The following FOXP2 variants were observed in gnomAD, a reference collection of about 807,000 sequenced individuals.
The protein encoded by FOXP2 is forkhead box protein P2.
Under a neutral mutation model 115.8 loss-of-function variants are expected in FOXP2, and 12 were observed. The ratio of observed to expected loss-of-function variants is 0.10; its 90% CI spans 0.07 to 0.17. The LOEUF is 0.17. Among genes scored for constraint, FOXP2 ranks in the 10% least tolerant of loss-of-function variants. The probability of loss-of-function intolerance (pLI) is 1.00; values close to 1 mark genes in which losing one functional copy is unlikely to be tolerated. For synonymous variants in FOXP2, 328 were observed against 297.7 expected, an observed-to-expected ratio of 1.10 and a Z score of -1.05; for missense variants, 629 against 843.5, an observed-to-expected ratio of 0.75 and a Z score of 3.15.
chr7:114,427,222 T>C (rs1390812540), intron 2 of FOXP2, among the ~76,000 whole-genome samples: 1 of 151,694 alleles, frequency 6.6e-6, no homozygotes, highest in Non-Finnish European at 1.5e-5. Flanking sequence ...CATTCCAAGA[T>C]ATTTTGAATA....
At chr7:114,272,323 G>C (rs1367951073) in intron 1 of FOXP2, among the ~76,000 whole-genome samples, 1 of 151,380 alleles carries the variant, frequency 6.6e-6, no homozygotes, top group Non-Finnish European at 1.5e-5. Flanking sequence ...GTGTTCCTGA[G>C]AGAGATTAGT....
chr7:114,141,671 C>A (rs984555462), intron 1 of FOXP2, among the ~76,000 whole-genome samples: 1 of 152,150 alleles, frequency 6.6e-6, no homozygotes, highest in East Asian at 1.9e-4. Context: ...TCTCCAAATA[C>A]CATCACTTCC....
chr7:114,226,150 A>G (rs1366079555), intron 1 of FOXP2, among the ~76,000 whole-genome samples: 1 of 152,246 alleles, frequency 6.6e-6, no homozygotes, highest in East Asian at 1.9e-4. Context: ...CATTTGTGAC[A>G]CTGAAGCACA....
chr7:114,334,331 G>A (rs956910982), intron 2 of FOXP2, among the ~76,000 whole-genome samples: 24 of 151,400 alleles, frequency 1.6e-4, no homozygotes, highest in African/African-American at 5.8e-4. Flanking sequence ...TATTTGTTTG[G>A]AATAAGTCTA....
chr7:114,405,589 G>A (rs889769979), intron 2 of FOXP2, among the ~76,000 whole-genome samples: 5 of 151,894 alleles, frequency 3.3e-5, no homozygotes, highest in Admixed American at 6.6e-5. Context: ...AGAGGGAATT[G>A]TGTAACGTTA....
At chr7:114,555,321 C>T (rs984607271) in intron 3 of FOXP2, among the ~76,000 whole-genome samples, 3 of 152,098 alleles carry the variant, frequency 2.0e-5, no homozygotes, top group African/African-American at 7.2e-5. Flanking sequence ...AACCATGTGC[C>T]TTTTACTCCT....
intron 1 of FOXP2, among the ~76,000 whole-genome samples, chr7:114,148,449 T>A (rs1256823973): frequency 1.3e-5 from 2 of 152,128 alleles, no homozygotes; most frequent in Non-Finnish European, 2.9e-5. Flanking sequence ...ACTTATCCTC[T>A]CCACCTGAAA....
At chr7:114,426,406 A>G in intron 1 of FOXP2, 96 bp from the exon 2 acceptor site, 1 of 1,170,954 alleles carries the variant, frequency 8.5e-7, no homozygotes, top group Admixed American at 1.8e-5. Context: ...CCCTCTTCTA[A>G]AGATGCTGTC....
At position 114,331,870 on chromosome 7, in the gene FOXP2, C is replaced by T. The variant is rs1380817197; in HGVS notation, c.-11+43761C>T. 2.6e-5 allele frequency among the ~76,000 whole-genome samples: 4 copies of T among 152,020 alleles called. No individual in the cohort carries two copies. The East Asian group carries it at 7.7e-4, about 29-fold the overall frequency. ...CCATGTTTGCCAGGATGGTTTCAAA[C>T]TCCTGATCTCAAGTGATCCACCCAC... On this transcript the variant is annotated intron_variant, in intron 2 of 17. Transcript: ENST00000634411.
At chr7:114,466,796 A>G (rs10486024) in intron 2 of FOXP2, among the ~76,000 whole-genome samples, 9,498 of 152,268 alleles carry the variant, frequency 0.062, 931 homozygotes, top group African/African-American at 0.21. Context: ...TTTTATATGA[A>G]TGACACAAAG....
chr7:114,203,319 GTTTACATCTCC>G (rs1469028635), intron 1 of FOXP2, among the ~76,000 whole-genome samples: 1 of 151,958 alleles, frequency 6.6e-6, no homozygotes, highest in Non-Finnish European at 1.5e-5. Context: ...TTACAGATCA[GTTTACATCTCC>G]ATCTTTTTTT....
intron 5 of FOXP2, chr7:114,630,899 C>T (rs1804866487): frequency 6.5e-6 from 1 of 152,736 alleles, no homozygotes; most frequent in South Asian, 2.1e-4. Context: ...AGTGTGACTG[C>T]CATCTCATAC....
At chr7:114,383,708 T>C (rs1164994849) in intron 2 of FOXP2, among the ~76,000 whole-genome samples, 1 of 152,132 alleles carries the variant, frequency 6.6e-6, no homozygotes, top group Non-Finnish European at 1.5e-5. Flanking sequence ...GTCGTTTCTT[T>C]CTTAGCGTCT....
intron 3 of FOXP2, among the ~76,000 whole-genome samples, chr7:114,568,052 G>C (rs1172107267): frequency 6.6e-6 from 1 of 151,904 alleles, no homozygotes; most frequent in Non-Finnish European, 1.5e-5. Flanking sequence ...AGATTAATTT[G>C]ACTTTCTCTT....
At chr7:114,269,184 G>A (rs1399829773) in intron 1 of FOXP2, among the ~76,000 whole-genome samples, 1 of 152,096 alleles carries the variant, frequency 6.6e-6, no homozygotes, top group Non-Finnish European at 1.5e-5. Flanking sequence ...TCCTCATGAA[G>A]GTATATAGCA....
At chr7:114,278,644 G>A (rs1056347418) in intron 1 of FOXP2, among the ~76,000 whole-genome samples, 11 of 152,116 alleles carry the variant, frequency 7.2e-5, no homozygotes, top group African/African-American at 1.7e-4. Flanking sequence ...GTGAGCCACC[G>A]CACTGACCTA....
In FOXP2 at chr7:114,481,543, A is replaced by T. The variant is rs75405559; in HGVS notation, c.169-53074A>T. Among the ~76,000 whole-genome samples the T allele has an allele frequency of 1.5e-3, 230 of 151,448 alleles. 2 individuals are homozygous for T. Among genetic ancestry groups the T allele is most frequent in the African/African-American group, 5.1e-3 (211 of 41,478 alleles). ...GACAAGTAAAGACTCTCCACTCAGA[A>T]CAACCAATGTGTTCCTAAATAGTTC... is the stretch of plus-strand genomic sequence containing the variant. On this transcript the variant is annotated intron_variant, in intron 2 of 16. Coordinates refer to ENST00000350908, the MANE Select transcript of FOXP2 (RefSeq NM_014491.4).
intron 3 of FOXP2, among the ~76,000 whole-genome samples, chr7:114,622,212 A>G (rs932544562): frequency 1.6e-4 from 25 of 151,868 alleles, no homozygotes; most frequent in Non-Finnish European, 2.9e-5. Context: ...AATGCTTATT[A>G]CCGTTAGCCC....
intron 6 of FOXP2, among the ~76,000 whole-genome samples, chr7:114,640,460 A>C (rs948940317): frequency 6.6e-6 from 1 of 152,190 alleles, no homozygotes; most frequent in Admixed American, 6.5e-5. Flanking sequence ...TGTGATAGGC[A>C]TAGCTATTTA....
Sources: allele counts gnomAD v4.1 joint callset (sites outside exome capture counted in the v4.1 genomes callset), GRCh38; gene constraint gnomAD v4.1.1; transcripts MANE v1.5; gene names NCBI Gene and HGNC (gene_info 2026-07-23, HGNC 2026-07-21).